The following KNTC1 variants were observed in gnomAD, a reference collection of about 807,000 sequenced individuals.
KNTC1 encodes kinetochore associated 1.
KNTC1 carries 253 observed loss-of-function variants against 314.4 expected under a neutral mutation model. The ratio of observed to expected loss-of-function variants is 0.80; its 90% CI spans 0.73 to 0.89. KNTC1 has a LOEUF of 0.89. KNTC1 is among the 40% of genes least tolerant of loss of function. The pLI, the probability that KNTC1 is intolerant of heterozygous loss-of-function variation, is 0.00. For synonymous variants in KNTC1, 901 were observed against 901.4 expected (o/e 1.00, Z 0.01); for missense variants, 2,475 against 2,572.9 (o/e 0.96, Z 0.82).
At position 122,543,610 on chromosome 12, in the gene KNTC1, T is replaced by C. The variant is rs1424863819; in HGVS notation, c.534T>C (p.Asn178=). The change falls in exon 7 of 64, where the codon AAT becomes AAC. Residue 178 remains asparagine (N), a synonymous_variant. Coordinates refer to ENST00000333479, the MANE Select transcript of KNTC1 (RefSeq NM_014708.6). Reference sequence around the variant, plus strand: ...TCTTTTTTAATGCAGCAATTGAGAATGTAGACTTCAGTACAGCAAAAAAGG... The same window carrying C: ...TCTTTTTTAATGCAGCAATTGAGAACGTAGACTTCAGTACAGCAAAAAAGG... ...QLLKIQQAIE[N]VDFSTAKKLQ... The C allele has an allele frequency of 3.8e-6, 6 of 1,563,850 alleles. No individual in the cohort carries two copies. The highest frequency in any genetic ancestry group is 5.2e-6 in the Non-Finnish European group (6 of 1,151,954).
intron 40 of KNTC1, among the ~76,000 whole-genome samples, chr12:122,589,957 G>A (rs1246105134): frequency 6.6e-6 from 1 of 151,580 alleles, no homozygotes; most frequent in Admixed American, 6.6e-5. Context: ...CTAATTTTTG[G>A]TATTTTTAGT....
chr12:122,601,228 G>A (rs1871842871), intron 44 of KNTC1, among the ~76,000 whole-genome samples: 1 of 151,804 alleles, frequency 6.6e-6, no homozygotes, highest in Admixed American at 6.6e-5. Context: ...GACTACAGGC[G>A]CCCACCACCA....
At chr12:122,604,513 A>T (rs1350638215) in intron 48 of KNTC1, 51 bp from the exon 49 acceptor site, 1 of 1,071,606 alleles carries the variant, frequency 9.3e-7, no homozygotes, top group Non-Finnish European at 1.3e-6. Context: ...TCTTGAAAAG[A>T]TTAAGATTTG....
rs572650630 is a variant in KNTC1 at position 122,619,854 on chromosome 12, A to G, written c.6150-625A>G. ...GTACTTTTGGTGACTACCCTAAATC[A>G]TACAGCGTTGTCGCATATATTTTGA... On this transcript the variant is annotated intron_variant, in intron 59 of 63. Coordinates refer to ENST00000333479, the MANE Select transcript of KNTC1 (RefSeq NM_014708.6). Among the ~76,000 whole-genome samples the G allele has an allele frequency of 8.8e-4, 134 of 152,298 alleles. 1 individual carries two copies. Among genetic ancestry groups the G allele is most frequent in the African/African-American group, 3.0e-3 (126 of 41,564 alleles).
At chr12:122,588,848 TG>T (rs1272425255) in intron 40 of KNTC1, 32 bp downstream of exon 40, 34 of 1,428,888 alleles carry the variant, frequency 2.4e-5, no homozygotes, top group South Asian at 4.2e-5. Context: ...AAATTTTGTT[TG>T]TTTTTTTTTT....
chr12:122,595,511 G>T (rs1870912000), intron 43 of KNTC1, among the ~76,000 whole-genome samples: 1 of 152,192 alleles, frequency 6.6e-6, no homozygotes, highest in African/African-American at 2.4e-5. Context: ...GAATGAAACT[G>T]CTTGGTGCAT....
intron 2 of KNTC1, among the ~76,000 whole-genome samples, chr12:122,532,858 T>C (rs1961478034): frequency 6.6e-6 from 1 of 151,850 alleles, no homozygotes; most frequent in African/African-American, 2.4e-5. Flanking sequence ...AGTAAATGAG[T>C]AGGAATTCAG....
At chr12:122,534,105 A>G (rs1961596772) in intron 2 of KNTC1, among the ~76,000 whole-genome samples, 2 of 152,180 alleles carry the variant, frequency 1.3e-5, no homozygotes, top group Admixed American at 6.5e-5. Flanking sequence ...TGGCTTGTCT[A>G]CTGTTTTTAA....
intron 57 of KNTC1, among the ~76,000 whole-genome samples, chr12:122,617,917 A>G (rs1357152136): frequency 6.6e-6 from 1 of 152,220 alleles, no homozygotes; most frequent in Non-Finnish European, 1.5e-5. Flanking sequence ...GAAAGTATAC[A>G]ATCAAGTAGT....
chr12:122,584,366 G>A lies in KNTC1; in HGVS notation c.3352G>A (p.Val1118Ile). 2 of 1,613,734 alleles carry A rather than the reference G, an allele frequency of 1.2e-6. No individual in the cohort carries two copies. The highest frequency in any genetic ancestry group is 1.7e-6 in the Non-Finnish European group (2 of 1,179,718). Reference protein sequence around the residue: ...QKLCQMLADNVPVTVPVGLNL... With the variant: ...QKLCQMLADNIPVTVPVGLNL... Reference sequence around the variant, plus strand: ...GCTTTGTCAGATGTTGGCTGATAATGTCCCAGTGACAGTGCCTGTGGGACT... The same window carrying A: ...GCTTTGTCAGATGTTGGCTGATAATATCCCAGTGACAGTGCCTGTGGGACT... Residue 1118 changes from valine (V) to isoleucine (I), a missense_variant, in exon 35 of 64, where the codon GTC (valine) becomes ATC (isoleucine). Physicochemically the swap from Val to Ile is conservative, Grantham distance 29. Coordinates refer to ENST00000333479, the MANE Select transcript of KNTC1 (RefSeq NM_014708.6).
At chr12:122,536,636 C>T (rs1227110242) in intron 3 of KNTC1, among the ~76,000 whole-genome samples, 2 of 151,886 alleles carry the variant, frequency 1.3e-5, no homozygotes, top group Admixed American at 6.6e-5. Context: ...TCTTCTGCCT[C>T]AGCCTCCCAA....
Position 122,625,286 on chromosome 12 carries a change from C to G in KNTC1, c.6606+598C>G, listed in dbSNP as rs192341018. Among the ~76,000 whole-genome samples, 1,275 of 152,152 alleles carry G rather than the reference C, an allele frequency of 8.4e-3. 19 individuals carry two copies. Among genetic ancestry groups the G allele is most frequent in the Admixed American group, 0.024 (363 of 15,272 alleles). Reference sequence around the variant, plus strand: ...GGCGTGGTGGCACACGCCTGTAATCCCAGCTACTCGGGAGGCTGAGGCAGG... The same window carrying G: ...GGCGTGGTGGCACACGCCTGTAATCGCAGCTACTCGGGAGGCTGAGGCAGG... On this transcript the variant is annotated intron_variant, in intron 63 of 63. Transcript: ENST00000333479.
At chr12:122,625,485 T>C (rs2138210367) in intron 63 of KNTC1, among the ~76,000 whole-genome samples, 1 of 151,784 alleles carries the variant, frequency 6.6e-6, no homozygotes, top group East Asian at 1.9e-4. Flanking sequence ...GAGAATTGCT[T>C]GAACCCAGGA....
At chr12:122,531,012 T>C (rs1257490938) in intron 2 of KNTC1, among the ~76,000 whole-genome samples, 2 of 152,158 alleles carry the variant, frequency 1.3e-5, no homozygotes, top group Non-Finnish European at 2.9e-5. Flanking sequence ...GGCATGCACA[T>C]GTAGTCCCAG....
rs369053387 is a variant in KNTC1, at chr12:122,575,611, A to G, written c.2451A>G (p.Gln817=). 5.6e-6 allele frequency: 9 copies of G among 1,597,516 alleles called. No individual in the cohort carries two copies. Among genetic ancestry groups the G allele is most frequent in the Admixed American group, 1.8e-5 (1 of 57,056 alleles). The change falls in exon 28 of 64, where the codon CAA becomes CAG. Residue 817 remains glutamine, a synonymous_variant. Transcript: ENST00000333479. ...AVVPWSAAVE[Q]LVKQHLEMDH... ...TTCCTTGGAGTGCAGCTGTGGAGCA[A>G]CTGGTGAAACAGCACCTGGAAATGG...
At chr12:122,541,146 CATTGCACT>C (rs1178409396) in intron 5 of KNTC1, among the ~76,000 whole-genome samples, 1 of 151,556 alleles carries the variant, frequency 6.6e-6, no homozygotes, top group African/African-American at 2.4e-5. Flanking sequence ...GAGTGCAGGC[CATTGCACT>C]CCAGCCTGGG....
At chr12:122,537,638 G>A (rs187042545) in intron 3 of KNTC1, among the ~76,000 whole-genome samples, 1,921 of 151,804 alleles carry the variant, frequency 0.013, 39 homozygotes, top group African/African-American at 0.044. Flanking sequence ...GGCTGGTCTC[G>A]AACTCCTGAC....
rs951080561 is a variant in KNTC1, at chr12:122,547,544, A to G, written c.932+14A>G. On this transcript the variant is annotated intron_variant, in intron 11 of 63. Coordinates refer to ENST00000333479, the MANE Select transcript of KNTC1 (RefSeq NM_014708.6). Reference sequence around the variant, plus strand: ...ATCAGTCACGTGGTATGTTATGACTATGGCTAGTAGTCATTTCCCTTCTGT... The same window carrying G: ...ATCAGTCACGTGGTATGTTATGACTGTGGCTAGTAGTCATTTCCCTTCTGT... The G allele has an allele frequency of 2.0e-6, 3 of 1,475,772 alleles. No homozygotes were observed. The highest frequency in any genetic ancestry group is 2.8e-6 in the Non-Finnish European group (3 of 1,057,020). The allele number at this position is 1,475,772 out of a possible 1,614,324, so 91.4% of individuals were successfully genotyped here.
chr12:122,584,188 A>T, intron 34 of KNTC1, 90 bp from the exon 35 acceptor site: 1 of 860,660 alleles, frequency 1.2e-6, no homozygotes, highest in Non-Finnish European at 1.9e-6. Context: ...TAATGTGTTG[A>T]TGGTGGTGGT....
Sources: allele counts gnomAD v4.1 joint callset (sites outside exome capture counted in the v4.1 genomes callset), GRCh38; gene constraint gnomAD v4.1.1; transcripts MANE v1.5; gene names NCBI Gene and HGNC (gene_info 2026-07-23, HGNC 2026-07-21).